GRM8: variants seen among roughly 807,000 people sequenced by gnomAD.
GRM8 encodes metabotropic glutamate receptor 8.
In GRM8, 47 loss-of-function variants were observed where a neutral mutation model predicts 87.2. The observed-to-expected ratio is 0.54, with a 90% CI of 0.43 to 0.69. The LOEUF is 0.69. Ranked by LOEUF, GRM8 falls within the 30% of genes least tolerant of loss-of-function variation. The pLI, the probability that GRM8 is intolerant of heterozygous loss-of-function variation, is 0.00. For synonymous variants in GRM8, 396 were observed against 404.5 expected, an observed-to-expected ratio of 0.98 and a Z score of 0.25; for missense variants, 1,019 against 1,139.2, an observed-to-expected ratio of 0.89 and a Z score of 1.52.
chr7:127,248,758 G>T (rs1261629134), intron 1 of GRM8, among the ~76,000 whole-genome samples: 2 of 152,192 alleles, frequency 1.3e-5, no homozygotes, highest in African/African-American at 2.4e-5. Context: ...GTACTTAGAA[G>T]ATCTAAGAAA....
At chr7:126,969,928 T>C (rs991209223) in intron 3 of GRM8, among the ~76,000 whole-genome samples, 3 of 152,178 alleles carry the variant, frequency 2.0e-5, no homozygotes, top group Admixed American at 6.5e-5. Flanking sequence ...TTAATTTCCT[T>C]GTGTATGTCC....
chr7:126,758,796 T>A (rs1486619699), intron 7 of GRM8, among the ~76,000 whole-genome samples: 1 of 152,216 alleles, frequency 6.6e-6, no homozygotes, highest in Admixed American at 6.5e-5. Context: ...TTTAAACACA[T>A]CCAAAAGACT....
intron 7 of GRM8, among the ~76,000 whole-genome samples, chr7:126,755,717 C>G (rs1291807662): frequency 1.3e-5 from 2 of 150,000 alleles, no homozygotes; most frequent in South Asian, 2.1e-4. Flanking sequence ...TTGGAACTAC[C>G]CTAGAGAATT....
chr7:126,755,133 A>G (rs1816859170), intron 7 of GRM8, among the ~76,000 whole-genome samples: 1 of 151,686 alleles, frequency 6.6e-6, no homozygotes. Context: ...TTGCAATAAA[A>G]ATCTCATTTT....
chr7:127,242,753 A>G lies in GRM8; in HGVS notation c.452T>C (p.Ile151Thr), dbSNP rs1443165042. Reference protein sequence around the residue: ...FTKPDKISGVIGAAASSVSIM... With the variant: ...FTKPDKISGVTGAAASSVSIM... Reference sequence around the variant, plus strand: ...GGACACGGAGCTTGCTGCAGCACCTATGACGCCAGAAATCTTGTCGGGCTT... The same window carrying G: ...GGACACGGAGCTTGCTGCAGCACCTGTGACGCCAGAAATCTTGTCGGGCTT... Residue 151 changes from isoleucine (I) to threonine (T), a missense_variant, in exon 2 of 11, where the codon ATA becomes ACA. Physicochemically the swap from Ile to Thr is moderately conservative, Grantham distance 89 (BLOSUM62 -1). Transcript: ENST00000339582. The G allele has an allele frequency of 1.2e-6, 2 of 1,614,184 alleles. No individual in the cohort carries two copies. The highest frequency in any genetic ancestry group is 1.1e-5 in the South Asian group (1 of 91,078).
chr7:127,213,078 T>A (rs1467932074), intron 2 of GRM8, among the ~76,000 whole-genome samples: 1 of 152,226 alleles, frequency 6.6e-6, no homozygotes, highest in African/African-American at 2.4e-5. Flanking sequence ...GGGATATGAA[T>A]GTGTGTAAAC....
At chr7:127,240,442 G>T (rs1396805942) in intron 2 of GRM8, among the ~76,000 whole-genome samples, 1 of 130,152 alleles carries the variant, frequency 7.7e-6, no homozygotes, top group Admixed American at 7.6e-5. Flanking sequence ...AAAAAAAAAT[G>T]CAAACAAGCT....
chr7:126,876,206 T>C (rs1799514042), intron 6 of GRM8, among the ~76,000 whole-genome samples: 1 of 152,174 alleles, frequency 6.6e-6, no homozygotes, highest in Admixed American at 6.5e-5. Flanking sequence ...GAACAATTTC[T>C]TGAGGCTAGA....
At chr7:126,848,591 G>A (rs1563246251) in intron 6 of GRM8, among the ~76,000 whole-genome samples, 1 of 152,034 alleles carries the variant, frequency 6.6e-6, no homozygotes. Flanking sequence ...GGAGGCCAAG[G>A]GGGCAGATCA....
At chr7:127,195,579 T>G (rs534491253) in intron 2 of GRM8, among the ~76,000 whole-genome samples, 5 of 152,140 alleles carry the variant, frequency 3.3e-5, no homozygotes, top group Non-Finnish European at 7.4e-5. Context: ...GCCAGTTCTA[T>G]CCCCTCCGGA....
At chr7:126,983,915 C>T (rs1212529583) in intron 3 of GRM8, among the ~76,000 whole-genome samples, 2 of 152,180 alleles carry the variant, frequency 1.3e-5, no homozygotes, top group Non-Finnish European at 1.5e-5. Context: ...GCTATGACCA[C>T]GTGACCAACT....
chr7:126,610,899 C>T (rs892532214), intron 7 of GRM8, among the ~76,000 whole-genome samples: 11 of 152,140 alleles, frequency 7.2e-5, no homozygotes, highest in African/African-American at 2.7e-4. Context: ...GAGATGGCAC[C>T]GCATGGAAGA....
chr7:126,562,991 T>G (rs1484082917), intron 8 of GRM8, among the ~76,000 whole-genome samples: 3 of 152,212 alleles, frequency 2.0e-5, no homozygotes, highest in Admixed American at 2.0e-4. Context: ...GGTTAACTAA[T>G]TATTATAACA....
intron 7 of GRM8, among the ~76,000 whole-genome samples, chr7:126,727,641 G>A (rs1048175804): frequency 1.3e-5 from 2 of 151,702 alleles, no homozygotes; most frequent in Non-Finnish European, 2.9e-5. Context: ...ATGGCTTAAA[G>A]TGGATTTTAA....
At chr7:126,852,081 A>T (rs1338692004) in intron 6 of GRM8, among the ~76,000 whole-genome samples, 2 of 152,222 alleles carry the variant, frequency 1.3e-5, no homozygotes, top group African/African-American at 4.8e-5. Context: ...TTAAATATGC[A>T]TAGGTGTGAT....
At chr7:126,730,007 G>T (rs1006656479) in intron 7 of GRM8, among the ~76,000 whole-genome samples, 1 of 152,080 alleles carries the variant, frequency 6.6e-6, no homozygotes, top group Non-Finnish European at 1.5e-5. Flanking sequence ...TTAGAAAGAC[G>T]ATCTTTTACT....
chr7:127,079,581 C>A (rs1178232154), intron 3 of GRM8, among the ~76,000 whole-genome samples: 1 of 152,180 alleles, frequency 6.6e-6, no homozygotes, highest in Non-Finnish European at 1.5e-5. Flanking sequence ...ATCTTCCCTG[C>A]CAAAGTTCAT....
At chr7:127,188,151 G>C (rs1335812229) in intron 2 of GRM8, among the ~76,000 whole-genome samples, 1 of 152,138 alleles carries the variant, frequency 6.6e-6, no homozygotes, top group Non-Finnish European at 1.5e-5. Context: ...TTTCAGGAGG[G>C]CTCATTGTAT....
At chr7:126,442,823 A>T (rs1801616984) in intron 10 of GRM8, among the ~76,000 whole-genome samples, 1 of 152,062 alleles carries the variant, frequency 6.6e-6, no homozygotes, top group Admixed American at 6.6e-5. Flanking sequence ...TCACAAAAGG[A>T]CAGCAATGCT....
Sources: gnomAD v4.1 joint callset for allele counts (sites outside exome capture counted in the v4.1 genomes callset) on GRCh38, gnomAD v4.1.1 for gene constraint, MANE v1.5 for transcripts, NCBI Gene and HGNC (gene_info 2026-07-23, HGNC 2026-07-21) for gene names.